TRIM55: variants seen among roughly 807,000 people sequenced by gnomAD.
TRIM55 encodes the protein tripartite motif containing 55.
Under a neutral mutation model 60.9 loss-of-function variants are expected in TRIM55, and 50 were observed. That is an observed-to-expected ratio of 0.82 (90% CI 0.65 to 1.04). TRIM55 has a LOEUF of 1.04. TRIM55 is among the 50% of genes least tolerant of loss of function. The pLI is 0.00. For synonymous variants in TRIM55, 237 were observed against 238.1 expected (o/e 1.00, Z 0.04); for missense variants, 681 against 666.9 (o/e 1.02, Z -0.23).
chr8:66,142,144 G>T (rs1809853885), intron 4 of TRIM55, among the ~76,000 whole-genome samples: 1 of 152,192 alleles, frequency 6.6e-6, no homozygotes, highest in Non-Finnish European at 1.5e-5. Context: ...GTACATTCCA[G>T]GGGCTTGGTA....
At chr8:66,123,483 A>G (rs981609048), upstream of TRIM55, among the ~76,000 whole-genome samples, 2 of 152,170 alleles carry the variant, frequency 1.3e-5, no homozygotes, top group African/African-American at 4.8e-5. Context: ...TGTGGGATTC[A>G]TGCTGTTTTC....
chr8:66,165,803 G>A (rs1368059233), intron 9 of TRIM55, among the ~76,000 whole-genome samples: 1 of 152,162 alleles, frequency 6.6e-6, no homozygotes, highest in Non-Finnish European at 1.5e-5. Flanking sequence ...AGAAGCTATG[G>A]TAGTGAGATG....
At chr8:66,118,168 C>CAAAAAAAAAAAAA in the TRIM55 span, among the ~76,000 whole-genome samples, 11 of 39,894 alleles carry the variant, frequency 2.8e-4, no homozygotes, top group Non-Finnish European at 4.1e-4. Flanking sequence ...GACTCCGTCT[C>CAAAAAAAAAAAAA]AAAAAAAAAA....
intron 4 of TRIM55, among the ~76,000 whole-genome samples, chr8:66,137,614 A>C (rs1412892978): frequency 1.3e-5 from 2 of 152,200 alleles, no homozygotes; most frequent in Admixed American, 6.5e-5. Context: ...AGTGCTGCGA[A>C]GTGGCCATAA....
chr8:66,123,210 A>C (rs1455778532), upstream of TRIM55, among the ~76,000 whole-genome samples: 1 of 152,180 alleles, frequency 6.6e-6, no homozygotes, highest in African/African-American at 2.4e-5. Flanking sequence ...AAATCTACCT[A>C]TGACCTGGAA....
At chr8:66,128,539 T>C in intron 2 of TRIM55, 63 bp downstream of exon 2, 2 of 1,540,716 alleles carry the variant, frequency 1.3e-6, no homozygotes, top group Non-Finnish European at 1.8e-6. Flanking sequence ...TTTGTTTGTT[T>C]TAATGGGTTG....
chr8:66,125,992 A>G (rs1808805535), upstream of TRIM55, among the ~76,000 whole-genome samples: 1 of 152,246 alleles, frequency 6.6e-6, no homozygotes, highest in African/African-American at 2.4e-5. Context: ...TACAATATGT[A>G]TTGGTTAAAC....
intron 1 of TRIM55, among the ~76,000 whole-genome samples, chr8:66,127,887 C>A (rs1457397242): frequency 6.6e-6 from 1 of 152,154 alleles, no homozygotes; most frequent in African/African-American, 2.4e-5. Flanking sequence ...CATTTACTTT[C>A]AAGAAAAACA....
intron 2 of TRIM55, 147 bp downstream of exon 2, chr8:66,128,623 T>A: frequency 2.5e-6 from 2 of 809,390 alleles, no homozygotes; most frequent in South Asian, 1.9e-5. Context: ...TCCTTCCCAG[T>A]GAGACTGAGA....
At chr8:66,124,422 C>T (rs945446212), upstream of TRIM55, among the ~76,000 whole-genome samples, 11 of 152,158 alleles carry the variant, frequency 7.2e-5, no homozygotes, top group African/African-American at 1.9e-4. Flanking sequence ...CTCAAGCCAC[C>T]GTGGCTCTGA....
intron 9 of TRIM55, among the ~76,000 whole-genome samples, chr8:66,156,599 C>T (rs979932299): frequency 6.6e-6 from 1 of 152,108 alleles, no homozygotes; most frequent in Non-Finnish European, 1.5e-5. Context: ...AATGACCCTG[C>T]TGGGCCTGAG....
In TRIM55 at chr8:66,152,443, G is replaced by A; in HGVS notation, c.1052G>A (p.Gly351Glu). 2 of 1,613,516 alleles carry A rather than the reference G, an allele frequency of 1.2e-6. No homozygotes were observed. Among genetic ancestry groups the A allele is most frequent in the Non-Finnish European group, 1.7e-6 (2 of 1,179,496 alleles). ...AAAGAAGGAGAAGGAGAAGTGGGAG[G>A]AGAAGCAGTAGAAGTGGAAGAGGTA... The part of the protein sequence containing the change: ...GEKEGEGEVG[G>E]EAVEVEEVEN... Residue 351 changes from glycine to glutamate, a missense_variant, in exon 8 of 10, where the codon GGA (glycine) becomes GAA (glutamate). By Grantham distance (98) the Gly-to-Glu change is moderately conservative. Transcript: ENST00000315962.
intron 4 of TRIM55, among the ~76,000 whole-genome samples, chr8:66,144,728 C>T (rs961916260): frequency 6.6e-6 from 1 of 152,196 alleles, no homozygotes; most frequent in African/African-American, 2.4e-5. Flanking sequence ...AAGATACATA[C>T]CTTTTTACTC....
Position 66,149,746 on chromosome 8 carries a change from A to G in TRIM55, c.705A>G (p.Arg235=). 1 of 1,614,196 alleles carries G rather than the reference A, an allele frequency of 6.2e-7. No homozygotes were observed. The highest frequency in any genetic ancestry group is 2.2e-5 in the East Asian group (1 of 44,874). ...RKNEMTQVIT[R]TQEEKLEHVR... ...ATGAAATGACCCAAGTCATTACCCG[A>G]ACCCAAGAGGAGAAACTGGAACATG... The change falls in exon 5 of 10, where the codon CGA becomes CGG. Residue 235 remains arginine, a synonymous_variant. Coordinates refer to ENST00000315962, the MANE Select transcript of TRIM55 (RefSeq NM_184085.2).
At chr8:66,169,166 C>T (rs1002884714) in intron 9 of TRIM55, among the ~76,000 whole-genome samples, 7 of 152,146 alleles carry the variant, frequency 4.6e-5, no homozygotes, top group Admixed American at 1.3e-4. Flanking sequence ...AATGTGGCTA[C>T]CCAAACTTGT....
intron 4 of TRIM55, among the ~76,000 whole-genome samples, chr8:66,143,282 C>A (rs1031404318): frequency 6.6e-6 from 1 of 152,084 alleles, no homozygotes. Context: ...GGCCATGGCA[C>A]GTGTGCAAGC....
At chr8:66,135,667 CT>C (rs1440466652) in intron 3 of TRIM55, among the ~76,000 whole-genome samples, 1 of 152,146 alleles carries the variant, frequency 6.6e-6, no homozygotes, top group Admixed American at 6.5e-5. Context: ...TACAGAACAG[CT>C]TTAAAACACA....
intron 4 of TRIM55, among the ~76,000 whole-genome samples, chr8:66,143,493 A>G (rs1301170803): frequency 6.6e-6 from 1 of 152,194 alleles, no homozygotes; most frequent in East Asian, 1.9e-4. Context: ...CTTTCACTGT[A>G]CAAATACAAA....
At chr8:66,164,231 C>T (rs562788084) in intron 9 of TRIM55, among the ~76,000 whole-genome samples, 14 of 152,132 alleles carry the variant, frequency 9.2e-5, no homozygotes, top group Non-Finnish European at 1.6e-4. Flanking sequence ...AACAAGCCTG[C>T]GTCCCCTTCC....
Sources: gnomAD v4.1 joint callset for allele counts (sites outside exome capture counted in the v4.1 genomes callset) on GRCh38, gnomAD v4.1.1 for gene constraint, MANE v1.5 for transcripts, NCBI Gene and HGNC (gene_info 2026-07-23, HGNC 2026-07-21) for gene names.